Variants in UNC79 observed in about 807,000 individuals in gnomAD.
UNC79 encodes unc-79 subunit of NALCN channel complex, also known as protein unc-79 homolog.
In UNC79, 37 loss-of-function variants were observed where a neutral mutation model predicts 283.1. The observed-to-expected ratio is 0.13, with a 90% CI of 0.10 to 0.17. UNC79 has a LOEUF of 0.17. Among genes scored for constraint, UNC79 ranks in the 10% least tolerant of loss-of-function variants. UNC79 has a pLI of 1.00. For missense variants in UNC79, 2,272 were observed against 3,211.1 expected (o/e 0.71, Z 7.07); for synonymous variants, 1,107 against 1,200.2 (o/e 0.92, Z 1.61).
intron 1 of UNC79, among the ~76,000 whole-genome samples, chr14:93,403,367 A>G (rs561434666): frequency 6.6e-6 from 1 of 152,346 alleles, no homozygotes; most frequent in South Asian, 2.1e-4. Context: ...TAGGTCCACA[A>G]GGAATTTCTC....
intron 14 of UNC79, among the ~76,000 whole-genome samples, chr14:93,548,263 G>C (rs2061701827): frequency 6.6e-6 from 1 of 152,106 alleles, no homozygotes; most frequent in South Asian, 2.1e-4. Flanking sequence ...GTGGTGGAAG[G>C]GGCAAGGTAG....
At chr14:93,468,390 C>G (rs1278570723) in intron 2 of UNC79, among the ~76,000 whole-genome samples, 1 of 152,096 alleles carries the variant, frequency 6.6e-6, no homozygotes, top group African/African-American at 2.4e-5. Flanking sequence ...GAAAACAGAG[C>G]AAAGAAAGCT....
chr14:93,439,206 T>G (rs1287128039), intron 1 of UNC79, among the ~76,000 whole-genome samples: 1 of 152,138 alleles, frequency 6.6e-6, no homozygotes, highest in Non-Finnish European at 1.5e-5. Flanking sequence ...AATTGCTTTC[T>G]TGTTTTCTGA....
At chr14:93,579,143 A>G (rs2063636571) in intron 18 of UNC79, among the ~76,000 whole-genome samples, 1 of 152,140 alleles carries the variant, frequency 6.6e-6, no homozygotes, top group African/African-American at 2.4e-5. Flanking sequence ...AAGACCACAG[A>G]TGTGATGTTA....
At chr14:93,384,144 G>A (rs1325676777) in intron 1 of UNC79, among the ~76,000 whole-genome samples, 1 of 152,182 alleles carries the variant, frequency 6.6e-6, no homozygotes, top group Non-Finnish European at 1.5e-5. Flanking sequence ...CTTATGAATA[G>A]TGCTGCAATA....
intron 12 of UNC79, among the ~76,000 whole-genome samples, chr14:93,539,456 G>T (rs2061268350): frequency 6.6e-6 from 1 of 151,400 alleles, no homozygotes; most frequent in Non-Finnish European, 1.5e-5. Flanking sequence ...GGGAGGCGGA[G>T]GTTGCAGTGA....
chr14:93,589,409 G>T (rs1318049120), intron 22 of UNC79, among the ~76,000 whole-genome samples: 2 of 152,040 alleles, frequency 1.3e-5, no homozygotes, highest in Non-Finnish European at 2.9e-5. Context: ...AAAGAGGGCA[G>T]AGGAGTCTCA....
upstream of UNC79, among the ~76,000 whole-genome samples, chr14:93,428,890 GCTGT>G (rs1171380282): frequency 6.6e-6 from 1 of 152,142 alleles, no homozygotes; most frequent in Non-Finnish European, 1.5e-5. Context: ...TCAAACCCAG[GCTGT>G]CTAACTCCTC....
chr14:93,433,843 G>A (rs977686117), intron 1 of UNC79, among the ~76,000 whole-genome samples: 1 of 152,174 alleles, frequency 6.6e-6, no homozygotes, highest in African/African-American at 2.4e-5. Flanking sequence ...GAAATGTAAT[G>A]TATCACAGAG....
At position 93,597,218 on chromosome 14, in the gene UNC79, AT is replaced by A. The variant is rs969390447; in HGVS notation, c.3191-138del. 1.7e-5 allele frequency: 14 copies of A among 801,048 alleles called. No individual in the cohort carries two copies. The African/African-American group carries it at 2.4e-4, about 14-fold the overall frequency. 49.6% of individuals were successfully genotyped at this position (801,048 alleles called of 1,614,324 possible). A position where few individuals can be genotyped will look rare whatever the true frequency, so the allele number is the denominator to read the frequency against. ...GGTGGTATTAGACTTTCCTGTTGGG[AT>A]TTAAAGTAAACCATGCGGGAGACCC... On this transcript the variant is annotated intron_variant, in intron 23 of 48. Coordinates refer to ENST00000555664, the Ensembl canonical transcript of UNC79.
intron 41 of UNC79, among the ~76,000 whole-genome samples, chr14:93,678,702 G>C (rs1303547321): frequency 3.3e-5 from 5 of 152,188 alleles, no homozygotes; most frequent in Non-Finnish European, 5.9e-5. Flanking sequence ...CTCTATTGTG[G>C]TTGTCTAGCC....
At chr14:93,627,077 A>G (rs2067624870) in intron 30 of UNC79, among the ~76,000 whole-genome samples, 1 of 152,158 alleles carries the variant, frequency 6.6e-6, no homozygotes, top group Admixed American at 6.5e-5. Flanking sequence ...AATCATTCCT[A>G]TGAAGCTTTC....
Position 93,691,447 on chromosome 14 carries a change from G to A in UNC79, c.7273-302G>A, listed in dbSNP as rs187773419. Reference sequence around the variant, plus strand: ...CAGAATGATTATTCTCCCTAATCTAGTTTAGGGATGGGAATGTCAGTTTCA... The same window carrying A: ...CAGAATGATTATTCTCCCTAATCTAATTTAGGGATGGGAATGTCAGTTTCA... On this transcript the variant is annotated intron_variant, in intron 45 of 48. Transcript: ENST00000555664. 139 of 506,482 alleles carry A rather than the reference G, an allele frequency of 2.7e-4. 1 individual carries two copies. The highest frequency in any genetic ancestry group is 2.5e-3 in the African/African-American group (130 of 52,414). 31.4% of individuals were successfully genotyped at this position (506,482 alleles called of 1,614,324 possible). A position where few individuals can be genotyped will look rare whatever the true frequency, so the allele number is the denominator to read the frequency against.
intron 1 of UNC79, among the ~76,000 whole-genome samples, chr14:93,354,646 C>T (rs998343476): frequency 1.3e-5 from 2 of 152,126 alleles, no homozygotes; most frequent in African/African-American, 2.4e-5. Context: ...CACAGGCATG[C>T]GCCACCATGC....
intron 1 of UNC79, among the ~76,000 whole-genome samples, chr14:93,365,004 G>C (rs995748817): frequency 6.6e-6 from 1 of 152,084 alleles, no homozygotes; most frequent in East Asian, 1.9e-4. Flanking sequence ...AGGCTGAGGA[G>C]GGAAGATTGC....
intron 22 of UNC79, 136 bp downstream of exon 22, chr14:93,587,044 C>T: frequency 9.6e-7 from 1 of 1,039,312 alleles, no homozygotes; most frequent in Non-Finnish European, 1.3e-6. Flanking sequence ...ATGATAACTA[C>T]TTTTATTTTT....
At chr14:93,414,582 G>A (rs1332590584) in intron 1 of UNC79, among the ~76,000 whole-genome samples, 1 of 152,166 alleles carries the variant, frequency 6.6e-6, no homozygotes. Flanking sequence ...TTGGTAGCTT[G>A]ATGGGGATGG....
chr14:93,524,592 CA>C (rs2060464417), intron 8 of UNC79, among the ~76,000 whole-genome samples: 1 of 152,140 alleles, frequency 6.6e-6, no homozygotes, highest in South Asian at 2.1e-4. Flanking sequence ...CAGTTAGCAA[CA>C]AAACTGGAGA....
At chr14:93,703,012 A>G (rs2075642120) in intron 47 of UNC79, among the ~76,000 whole-genome samples, 1 of 152,234 alleles carries the variant, frequency 6.6e-6, no homozygotes, top group Non-Finnish European at 1.5e-5. Flanking sequence ...ATTTGGAATA[A>G]AATTCAGATC....
Sources: gnomAD v4.1 joint callset for allele counts (sites outside exome capture counted in the v4.1 genomes callset) on GRCh38, gnomAD v4.1.1 for gene constraint, MANE v1.5 for transcripts, NCBI Gene and HGNC (gene_info 2026-07-23, HGNC 2026-07-21) for gene names.